KCNMA1: variants seen among roughly 807,000 people sequenced by gnomAD.
The protein encoded by KCNMA1 is potassium calcium-activated channel subfamily M alpha 1, also known as Calcium-activated potassium channel subunit alpha-1.
KCNMA1 carries 29 observed loss-of-function variants against 140.0 expected under a neutral mutation model. That is an observed-to-expected ratio of 0.21 (90% CI 0.15 to 0.28). KCNMA1 has a LOEUF of 0.28. Ranked by LOEUF, KCNMA1 falls within the 10% of genes least tolerant of loss-of-function variation. The pLI, the probability that KCNMA1 is intolerant of heterozygous loss-of-function variation, is 1.00. For missense variants in KCNMA1, 880 were observed against 1,602.2 expected (o/e 0.55, Z 7.70); for synonymous variants, 612 against 611.9 (o/e 1.00, Z 0.00).
At chr10:76,992,663 GC>G (rs2083120835) in intron 19 of KCNMA1, among the ~76,000 whole-genome samples, 1 of 152,122 alleles carries the variant, frequency 6.6e-6, no homozygotes. Context: ...GGACTCAAGT[GC>G]TTTTCCATGC....
intron 1 of KCNMA1, among the ~76,000 whole-genome samples, chr10:77,603,228 A>G (rs1159731486): frequency 2.0e-5 from 3 of 152,154 alleles, no homozygotes; most frequent in Non-Finnish European, 2.9e-5. Context: ...GCAACAGGCA[A>G]TGGTGTTTTT....
At chr10:77,631,662 C>T (rs1357283430) in intron 1 of KCNMA1, among the ~76,000 whole-genome samples, 1 of 152,134 alleles carries the variant, frequency 6.6e-6, no homozygotes, top group African/African-American at 2.4e-5. Context: ...GAGAGACAGC[C>T]CCAAAGCAAG....
intron 5 of KCNMA1, among the ~76,000 whole-genome samples, chr10:77,145,911 A>G (rs2098279532): frequency 6.6e-6 from 1 of 152,244 alleles, no homozygotes; most frequent in Non-Finnish European, 1.5e-5. Context: ...TTCCCCAACT[A>G]TAAAATGGGA....
chr10:77,328,823 T>TTTTTTG (rs1044978679), intron 2 of KCNMA1, among the ~76,000 whole-genome samples: 1 of 152,062 alleles, frequency 6.6e-6, no homozygotes, highest in Non-Finnish European at 1.5e-5. Context: ...TATATCTATA[T>TTTTTTG]TTTTTGTTTT....
At chr10:77,440,148 A>G (rs994002173) in intron 1 of KCNMA1, among the ~76,000 whole-genome samples, 3 of 151,960 alleles carry the variant, frequency 2.0e-5, no homozygotes, top group Non-Finnish European at 4.4e-5. Flanking sequence ...ACACCAAAGG[A>G]AAAAAAACAA....
intron 1 of KCNMA1, among the ~76,000 whole-genome samples, chr10:77,473,976 C>T (rs1603627445): frequency 6.6e-6 from 1 of 152,192 alleles, no homozygotes; most frequent in Admixed American, 6.5e-5. Context: ...GCTCCTCCTC[C>T]GCCTCACCCA....
At chr10:77,392,396 T>G (rs1032584715) in intron 2 of KCNMA1, among the ~76,000 whole-genome samples, 1 of 152,082 alleles carries the variant, frequency 6.6e-6, no homozygotes, top group Non-Finnish European at 1.5e-5. Context: ...GCACAGGATG[T>G]GCAATCAGGA....
chr10:77,420,510 C>A (rs2096844042), intron 1 of KCNMA1, among the ~76,000 whole-genome samples: 1 of 152,224 alleles, frequency 6.6e-6, no homozygotes, highest in Non-Finnish European at 1.5e-5. Flanking sequence ...CCTCAGATAT[C>A]ACTTGTTTCT....
intron 1 of KCNMA1, among the ~76,000 whole-genome samples, chr10:77,430,638 A>C (rs2097133307): frequency 1.3e-5 from 2 of 152,218 alleles, no homozygotes; most frequent in Non-Finnish European, 2.9e-5. Context: ...CAGACAAAGC[A>C]GGCACTTTTT....
At chr10:77,311,035 T>A (rs2079115226) in intron 2 of KCNMA1, among the ~76,000 whole-genome samples, 1 of 152,226 alleles carries the variant, frequency 6.6e-6, no homozygotes, top group Admixed American at 6.5e-5. Context: ...CCACAGCTGC[T>A]GTCAGTTCAA....
intron 14 of KCNMA1, 114 bp downstream of exon 14, chr10:77,072,983 T>C: frequency 1.0e-6 from 1 of 996,648 alleles, no homozygotes; most frequent in Non-Finnish European, 1.6e-6. Context: ...AATTTCTCCT[T>C]AACCCAAGTG....
At chr10:77,577,304 T>C (rs1175865947) in intron 1 of KCNMA1, among the ~76,000 whole-genome samples, 1 of 152,088 alleles carries the variant, frequency 6.6e-6, no homozygotes, top group East Asian at 1.9e-4. Context: ...CGCCTCGGCC[T>C]CCCAAAGTGC....
chr10:76,886,909 CT>C lies in KCNMA1; in HGVS notation c.*356del. 8.8e-7 allele frequency: 1 copy of C among 1,132,910 alleles called. No homozygotes were observed. Among genetic ancestry groups the C allele is most frequent in the Non-Finnish European group, 1.1e-6 (1 of 916,336 alleles). 70.2% of individuals were successfully genotyped at this position (1,132,910 alleles called of 1,614,324 possible). On this transcript the variant is annotated 3_prime_UTR_variant, in exon 28 of 28. Coordinates refer to ENST00000286628, the MANE Select transcript of KCNMA1 (RefSeq NM_001161352.2). ...TCCTGATAAATCAGAATCAACTTTT[CT>C]TTTACATTAAATAAACTTGCTCTGC...
chr10:77,177,365 T>A (rs1159612333), intron 5 of KCNMA1, among the ~76,000 whole-genome samples: 8 of 150,994 alleles, frequency 5.3e-5, no homozygotes. Flanking sequence ...CTTCCTTGCT[T>A]CCTTTCTTCC....
At chr10:77,007,687 A>T (rs1419738747) in intron 18 of KCNMA1, among the ~76,000 whole-genome samples, 2 of 145,880 alleles carry the variant, frequency 1.4e-5, no homozygotes, top group Non-Finnish European at 3.0e-5. Flanking sequence ...GTATCACAAC[A>T]TGGGAATATA....
At chr10:77,567,029 C>A (rs1313439883) in intron 1 of KCNMA1, among the ~76,000 whole-genome samples, 3 of 152,156 alleles carry the variant, frequency 2.0e-5, no homozygotes. Context: ...CCCAGTTCCT[C>A]TCTCCTCCTC....
chr10:77,491,703 T>C (rs2039924475), intron 1 of KCNMA1, among the ~76,000 whole-genome samples: 2 of 136,846 alleles, frequency 1.5e-5, no homozygotes, highest in South Asian at 5.2e-4. Flanking sequence ...GGGAAATGGG[T>C]TTAGAAGTCA....
At chr10:77,613,473 A>G (rs1296680450) in intron 1 of KCNMA1, among the ~76,000 whole-genome samples, 2 of 152,252 alleles carry the variant, frequency 1.3e-5, no homozygotes, top group Admixed American at 6.5e-5. Context: ...CAGGAAGCCT[A>G]TCAAGGCATT....
At chr10:76,977,623 C>G (rs1165675806) in intron 19 of KCNMA1, 1 of 702,894 alleles carries the variant, frequency 1.4e-6, no homozygotes, top group Non-Finnish European at 2.6e-6. Context: ...CCACAAAGAA[C>G]AATGTTCTTC....
Sources: gnomAD v4.1 joint callset for allele counts (sites outside exome capture counted in the v4.1 genomes callset) on GRCh38, gnomAD v4.1.1 for gene constraint, MANE v1.5 for transcripts, NCBI Gene and HGNC (gene_info 2026-07-23, HGNC 2026-07-21) for gene names.